Variants in CSMD3 observed in about 807,000 individuals in gnomAD.
CSMD3 encodes CUB and Sushi multiple domains 3.
Under a neutral mutation model 435.2 loss-of-function variants are expected in CSMD3, and 177 were observed. The ratio of observed to expected loss-of-function variants is 0.41; its 90% confidence interval spans 0.36 to 0.46. The LOEUF (loss-of-function observed/expected upper bound fraction) is 0.46. CSMD3 is among the 20% of genes least tolerant of loss of function. The pLI, the probability that CSMD3 is intolerant of heterozygous loss-of-function variation, is 0.34. For missense variants in CSMD3, 4,265 were observed against 4,504.6 expected, an observed-to-expected ratio of 0.95 and a Z score of 1.52; for synonymous variants, 1,656 against 1,520.5, an observed-to-expected ratio of 1.09 and a Z score of -2.07.
chr8:113,325,295 T>C (rs1159699903), intron 1 of CSMD3, among the ~76,000 whole-genome samples: 1 of 152,142 alleles, frequency 6.6e-6, no homozygotes, highest in Non-Finnish European at 1.5e-5. Context: ...CATCTTGAAT[T>C]CCCACATGTT....
rs908191421 is a variant in CSMD3, at chr8:112,747,835, C to T, written c.1972+52327G>A. Among the ~76,000 whole-genome samples, 4 of 151,862 alleles carry T rather than the reference C, an allele frequency of 2.6e-5. No individual in the cohort carries two copies. In the East Asian group the frequency reaches 5.8e-4, roughly 22 times the overall value. ...AAAATTAGCCGGGCGCAGTGGCGGG[C>T]GCCTATAGTCCCAGCTACTCGGGAG... On this transcript the variant is annotated intron_variant, in intron 13 of 70. Coordinates refer to ENST00000297405, the MANE Select transcript of CSMD3 (RefSeq NM_198123.2).
intron 3 of CSMD3, among the ~76,000 whole-genome samples, chr8:113,232,765 T>C (rs2093103026): frequency 6.6e-6 from 1 of 151,750 alleles, no homozygotes; most frequent in Non-Finnish European, 1.5e-5. Context: ...TATTGGTCCA[T>C]TGGCTCTTTT....
intron 11 of CSMD3, among the ~76,000 whole-genome samples, chr8:112,844,780 C>A (rs938986707): frequency 1.3e-5 from 2 of 151,890 alleles, no homozygotes; most frequent in East Asian, 1.9e-4. Flanking sequence ...AATTGAAAAG[C>A]CTGTGCATCT....
intron 1 of CSMD3, among the ~76,000 whole-genome samples, chr8:113,341,179 G>A (rs536221877): frequency 1.3e-5 from 2 of 152,084 alleles, no homozygotes; most frequent in East Asian, 3.9e-4. Context: ...ATATGTACAT[G>A]TATGTATATA....
chr8:113,421,628 T>C (rs1344862778), intron 1 of CSMD3, among the ~76,000 whole-genome samples: 2 of 152,076 alleles, frequency 1.3e-5, no homozygotes, highest in African/African-American at 4.8e-5. Context: ...CTGAAATAGG[T>C]AGGCCTCAGA....
chr8:112,321,961 A>T (rs2172352), intron 45 of CSMD3, among the ~76,000 whole-genome samples: 101,620 of 151,940 alleles, frequency 0.67, 35,775 homozygotes, highest in African/African-American at 0.89. Context: ...GTGATAAAGA[A>T]AAAAGGTAAT....
chr8:112,777,062 C>T (rs2355821), intron 13 of CSMD3, among the ~76,000 whole-genome samples: 125,177 of 151,586 alleles, frequency 0.83, 51,827 homozygotes, highest in East Asian at 0.92. Flanking sequence ...AGCTGTATTT[C>T]TGGAGGGTTA....
intron 49 of CSMD3, 38 bp downstream of exon 49, chr8:112,313,868 A>G (rs2130829724): frequency 6.6e-7 from 1 of 1,516,138 alleles, no homozygotes; most frequent in African/African-American, 1.4e-5. Context: ...ACCGAAGATG[A>G]TAGTGAGATC....
chr8:112,863,767 G>A (rs189333713), intron 10 of CSMD3, among the ~76,000 whole-genome samples: 25 of 152,040 alleles, frequency 1.6e-4, no homozygotes, highest in Admixed American at 1.4e-3. Flanking sequence ...ATAAATAAAC[G>A]TGATTACAGT....
intron 11 of CSMD3, among the ~76,000 whole-genome samples, chr8:112,853,704 C>T (rs2080564136): frequency 6.6e-6 from 1 of 152,196 alleles, no homozygotes. Context: ...ACAGGTATTT[C>T]AAATGTAACA....
chr8:113,219,804 TAAC>T (rs2092946382), intron 3 of CSMD3, among the ~76,000 whole-genome samples: 2 of 151,430 alleles, frequency 1.3e-5, no homozygotes, highest in South Asian at 4.2e-4. Flanking sequence ...GACCACATAA[TAAC>T]AACAGGAAGC....
chr8:112,626,684 A>G (rs1459622637), intron 22 of CSMD3, among the ~76,000 whole-genome samples: 2 of 152,152 alleles, frequency 1.3e-5, no homozygotes, highest in East Asian at 1.9e-4. Context: ...CTGAGATATG[A>G]CATCAAGATC....
At chr8:112,287,619 TG>T (rs1415131513) in intron 57 of CSMD3, among the ~76,000 whole-genome samples, 1 of 152,258 alleles carries the variant, frequency 6.6e-6, no homozygotes, top group Non-Finnish European at 1.5e-5. Context: ...AACTGAATTC[TG>T]CAATTTGCAT....
At chr8:113,227,554 G>A (rs1331154312) in intron 3 of CSMD3, among the ~76,000 whole-genome samples, 1 of 151,632 alleles carries the variant, frequency 6.6e-6, no homozygotes, top group Non-Finnish European at 1.5e-5. Flanking sequence ...TGTCAGGGGA[G>A]GTACCTGGTG....
chr8:113,155,329 T>C (rs2091909145), intron 4 of CSMD3, among the ~76,000 whole-genome samples: 1 of 152,042 alleles, frequency 6.6e-6, no homozygotes, highest in Non-Finnish European at 1.5e-5. Context: ...AAGAGTCCAA[T>C]GGACTAGCTT....
chr8:112,695,430 T>C (rs1362188199), intron 13 of CSMD3, among the ~76,000 whole-genome samples: 1 of 152,146 alleles, frequency 6.6e-6, no homozygotes, highest in Non-Finnish European at 1.5e-5. Flanking sequence ...GTTCAACATA[T>C]GCAAATCAAT....
intron 1 of CSMD3, chr8:113,376,692 G>T (rs755517824): frequency 6.2e-7 from 1 of 1,611,734 alleles, no homozygotes; most frequent in South Asian, 1.1e-5. Flanking sequence ...CCCGCCACAA[G>T]GACCGAAAGG....
At chr8:113,387,196 T>C (rs1238329510) in intron 1 of CSMD3, among the ~76,000 whole-genome samples, 1 of 151,800 alleles carries the variant, frequency 6.6e-6, no homozygotes, top group East Asian at 1.9e-4. Flanking sequence ...TCCAACAGTG[T>C]TGGAGGAATG....
intron 4 of CSMD3, among the ~76,000 whole-genome samples, chr8:113,140,927 A>G (rs1319585246): frequency 6.6e-6 from 1 of 151,096 alleles, no homozygotes; most frequent in African/African-American, 2.4e-5. Context: ...AAAACAGAAA[A>G]TCAATAAAAC....
Sources: allele counts gnomAD v4.1 joint callset (sites outside exome capture counted in the v4.1 genomes callset), GRCh38; gene constraint gnomAD v4.1.1; transcripts MANE v1.5; gene names NCBI Gene and HGNC (gene_info 2026-07-23, HGNC 2026-07-21).